FOXP1: variants seen among roughly 807,000 people sequenced by gnomAD.
FOXP1 encodes forkhead box P1, also known as forkhead box protein P1.
FOXP1 carries 15 observed loss-of-function variants against 98.2 expected under a neutral mutation model. That is an observed-to-expected ratio of 0.15 (90% CI 0.10 to 0.24). The LOEUF is 0.24. Ranked by LOEUF, FOXP1 falls within the 10% of genes least tolerant of loss-of-function variation. The probability of loss-of-function intolerance (pLI) is 1.00; values close to 1 mark genes in which losing one functional copy is unlikely to be tolerated. For missense variants in FOXP1, 633 were observed against 848.5 expected (o/e 0.75, Z 3.15); for synonymous variants, 371 against 314.5 (o/e 1.18, Z -1.90).
rs1471309593 is a variant in FOXP1, at chr3:70,977,964, A to G, written c.1212T>C (p.Pro404=). Reference sequence around the variant, plus strand: ...GGGCGGTTGGGGTCGTTGGAGTATGAGGTAAGCTCTGTGGAGAAGCCTCCG... The same window carrying G: ...GGGCGGTTGGGGTCGTTGGAGTATGGGGTAAGCTCTGTGGAGAAGCCTCCG... The part of the protein sequence containing the change: ...SASEASPQSL[P]HTPTTPTAPL... Residue 404 remains proline, a synonymous_variant, in exon 15 of 21, where the codon CCT becomes CCC. Coordinates refer to ENST00000649528, the MANE Select transcript of FOXP1 (RefSeq NM_001349338.3). 2.4e-5 allele frequency: 38 copies of G among 1,614,022 alleles called. No individual in the cohort carries two copies. The highest frequency in any genetic ancestry group is 3.1e-5 in the Non-Finnish European group (37 of 1,179,996).
chr3:71,182,532 GTA>G (rs145364390), intron 6 of FOXP1, among the ~76,000 whole-genome samples: 26 of 111,576 alleles, frequency 2.3e-4, no homozygotes, highest in Middle Eastern at 4.9e-3. Flanking sequence ...GTGTGTGTGT[GTA>G]TATATGTATA....
intron 11 of FOXP1, among the ~76,000 whole-genome samples, chr3:71,031,806 G>C (rs2046905701): frequency 2.0e-5 from 3 of 152,160 alleles, no homozygotes; most frequent in Admixed American, 1.3e-4. Flanking sequence ...CTAATTTCTA[G>C]AAGAATCCTA....
At chr3:71,104,178 C>G (rs2057233190) in intron 7 of FOXP1, among the ~76,000 whole-genome samples, 1 of 152,180 alleles carries the variant, frequency 6.6e-6, no homozygotes, top group African/African-American at 2.4e-5. Context: ...CTGACTCGCC[C>G]AGGCCTGAAA....
chr3:71,011,395 G>A (rs1158605882), intron 12 of FOXP1, among the ~76,000 whole-genome samples: 1 of 151,960 alleles, frequency 6.6e-6, no homozygotes, highest in Non-Finnish European at 1.5e-5. Context: ...CTTTTTCTGG[G>A]GCTACATGGA....
intron 2 of FOXP1, among the ~76,000 whole-genome samples, chr3:71,561,050 G>T (rs1559532124): frequency 6.6e-6 from 1 of 152,024 alleles, no homozygotes; most frequent in African/African-American, 2.4e-5. Context: ...GTTGAATTGT[G>T]TACTTTTTTG....
intron 7 of FOXP1, among the ~76,000 whole-genome samples, chr3:71,074,516 C>T (rs1200460844): frequency 6.6e-6 from 1 of 152,182 alleles, no homozygotes; most frequent in East Asian, 1.9e-4. Flanking sequence ...CGTTGAGTCA[C>T]TGCACATGGC....
At chr3:71,219,161 C>A (rs1173638143) in intron 5 of FOXP1, among the ~76,000 whole-genome samples, 1 of 152,210 alleles carries the variant, frequency 6.6e-6, no homozygotes, top group African/African-American at 2.4e-5. Flanking sequence ...TCTCCATACC[C>A]TTGCCTGGGA....
At chr3:71,149,020 G>C (rs1309341938) in intron 6 of FOXP1, among the ~76,000 whole-genome samples, 1 of 152,166 alleles carries the variant, frequency 6.6e-6, no homozygotes, top group African/African-American at 2.4e-5. Flanking sequence ...ATTTGGATAG[G>C]CCTCAGACAA....
At chr3:71,018,222 A>G (rs971552003) in intron 11 of FOXP1, among the ~76,000 whole-genome samples, 3 of 152,234 alleles carry the variant, frequency 2.0e-5, no homozygotes, top group African/African-American at 7.2e-5. Context: ...AACTATTCAC[A>G]TCTAAGAATT....
intron 2 of FOXP1, among the ~76,000 whole-genome samples, chr3:71,516,765 G>C (rs2042611872): frequency 6.6e-6 from 1 of 152,178 alleles, no homozygotes; most frequent in African/African-American, 2.4e-5. Flanking sequence ...AGAATCGCTT[G>C]AACTCGGGAG....
chr3:71,357,642 C>A (rs183287404), intron 4 of FOXP1, among the ~76,000 whole-genome samples: 1 of 152,122 alleles, frequency 6.6e-6, no homozygotes, highest in African/African-American at 2.4e-5. Context: ...TGTAAGCAGG[C>A]ATCATTGGAT....
intron 5 of FOXP1, among the ~76,000 whole-genome samples, chr3:71,245,644 GAAC>G (rs950939801): frequency 1.7e-5 from 2 of 121,078 alleles, no homozygotes; most frequent in African/African-American, 6.5e-5. Context: ...GATTTTTAAA[GAAC>G]AAGACCGTTA....
intron 12 of FOXP1, among the ~76,000 whole-genome samples, chr3:71,007,140 T>A (rs1429756029): frequency 2.0e-5 from 3 of 152,170 alleles, no homozygotes; most frequent in African/African-American, 7.2e-5. Flanking sequence ...AACACCCTAT[T>A]TTTATTTTTC....
At chr3:71,518,104 T>C (rs1159742644) in intron 2 of FOXP1, among the ~76,000 whole-genome samples, 1 of 152,192 alleles carries the variant, frequency 6.6e-6, no homozygotes, top group Admixed American at 6.5e-5. Context: ...TAGAAAATCT[T>C]GCTGGACATT....
chr3:71,233,688 A>ACCC (rs34316675), intron 5 of FOXP1, among the ~76,000 whole-genome samples: 2 of 141,372 alleles, frequency 1.4e-5, no homozygotes, highest in Non-Finnish European at 3.0e-5. Context: ...TCGGCCTCGC[A>ACCC]CCCCCCCAGC....
chr3:70,977,832 C>A lies in FOXP1; in HGVS notation c.1344G>T (p.Ser448=). Reference sequence around the variant, plus strand: ...GGCAAAAGGTGGAGTATCTACCTGACGAAATGGGCACGTTGTATTTGTCTG... The same window carrying A: ...GGCAAAAGGTGGAGTATCTACCTGAAGAAATGGGCACGTTGTATTTGTCTG... ...RYSDKYNVPI[S]SADIAQNQEF... is the part of the protein sequence containing the mutation. The change falls in exon 15 of 21, where the codon TCG becomes TCT. Residue 448 remains serine, a synonymous_variant. Transcript: ENST00000649528. The A allele has an allele frequency of 1.2e-6, 2 of 1,614,028 alleles. No homozygotes were observed. Among genetic ancestry groups the A allele is most frequent in the African/African-American group, 1.3e-5 (1 of 75,014 alleles).
chr3:71,533,943 G>T (rs933826477), intron 2 of FOXP1, among the ~76,000 whole-genome samples: 4 of 152,150 alleles, frequency 2.6e-5, no homozygotes, highest in Middle Eastern at 3.2e-3. Flanking sequence ...GTCACGGGAA[G>T]CCCAATTGTT....
intron 3 of FOXP1, among the ~76,000 whole-genome samples, chr3:71,367,861 T>C (rs2079028155): frequency 6.6e-6 from 1 of 152,184 alleles, no homozygotes; most frequent in Admixed American, 6.5e-5. Context: ...GTTAGTCCTC[T>C]GCAATACCAC....
At chr3:71,104,663 T>C (rs2107687702) in intron 7 of FOXP1, among the ~76,000 whole-genome samples, 1 of 152,238 alleles carries the variant, frequency 6.6e-6, no homozygotes, top group East Asian at 1.9e-4. Flanking sequence ...TAAAGAATTT[T>C]CAATAGGGAT....
Sources: allele counts gnomAD v4.1 joint callset (sites outside exome capture counted in the v4.1 genomes callset), GRCh38; gene constraint gnomAD v4.1.1; transcripts MANE v1.5; gene names NCBI Gene and HGNC (gene_info 2026-07-23, HGNC 2026-07-21).